The following CHST6 variants were observed in gnomAD, a reference collection of about 807,000 sequenced individuals.
CHST6 encodes the protein N-acetylglucosamine 6-O-sulfotransferase 5.
For synonymous variants in CHST6, 309 were observed against 276.4 expected, an observed-to-expected ratio of 1.12 and a Z score of -1.17; for missense variants, 698 against 586.2, an observed-to-expected ratio of 1.19 and a Z score of -1.97.
rs760075774 is a variant in CHST6 at position 75,479,549 on chromosome 16, C to T, written c.280G>A (p.Asp94Asn). 20 of 1,612,866 alleles carry T rather than the reference C, an allele frequency of 1.2e-5. No individual in the cohort carries two copies. Among genetic ancestry groups the T allele is most frequent in the African/African-American group, 6.7e-5 (5 of 74,932 alleles). ...CACAGGAAGACGGAGCGCACCAGGT[C>T]GCGCACAGCCATGTGCAGCGTTGCG... ...SAATLHMAVR[D>N]LVRSVFLCDM... The change falls in exon 3 of 3, where the codon GAC becomes AAC. Residue 94 changes from aspartate to asparagine, a missense_variant. Physicochemically the swap from Asp to Asn is conservative, Grantham distance 23. Transcript: ENST00000332272.
Position 75,493,937 on chromosome 16 carries a change from T to C in CHST6, c.-92+1003A>G, listed in dbSNP as rs141527101. ...TCAGCTCACTGCAACCTCCGCCTCC[T>C]GGGTTCAAGTGATTCTTCTGCCTCA... On this transcript the variant is annotated intron_variant, in intron 1 of 2. Coordinates refer to ENST00000332272, the MANE Select transcript of CHST6 (RefSeq NM_021615.5). Among the ~76,000 whole-genome samples the C allele has an allele frequency of 4.1e-3, 629 of 152,296 alleles. 2 individuals carry two copies. Among genetic ancestry groups the C allele is most frequent in the African/African-American group, 0.014 (564 of 41,562 alleles).
chr16:75,487,745 G>C (rs1227032892), intron 1 of CHST6, among the ~76,000 whole-genome samples: 1 of 149,400 alleles, frequency 6.7e-6, no homozygotes, highest in Non-Finnish European at 1.5e-5. Context: ...CTTGCAGTGA[G>C]CTGAGATCGT....
At chr16:75,484,884 G>A (rs1302314310) in intron 1 of CHST6, among the ~76,000 whole-genome samples, 2 of 152,070 alleles carry the variant, frequency 1.3e-5, no homozygotes, top group South Asian at 2.1e-4. Flanking sequence ...AGGTAAAGAT[G>A]AGGGCATTGC....
chr16:75,484,296 C>T (rs2080172349), intron 1 of CHST6, among the ~76,000 whole-genome samples: 1 of 151,894 alleles, frequency 6.6e-6, no homozygotes, highest in South Asian at 2.1e-4. Context: ...AAGATCACAC[C>T]ACTGCACTCC....
In CHST6 at chr16:75,479,461, CA is replaced by C. The variant is rs1323870038; in HGVS notation, c.367del (p.Trp123GlyfsTer3). 6.2e-7 allele frequency: 1 copy of C among 1,612,924 alleles called. No homozygotes were observed. The highest frequency in any genetic ancestry group is 2.2e-5 in the East Asian group (1 of 44,852). Reference protein sequence around the residue: ...WRRNLSDLFQWAVSRALCSPP... With the variant: ...WRRNLSDLFQXAVSRALCSPP... ...CGAGCACAGTGCACGGCTCACGGCC[CA>C]CTGGAAGAGGTCGGACAGGTTGCGG... On this transcript the variant is annotated frameshift_variant, in exon 3 of 3. Transcript: ENST00000332272. LOFTEE classifies it low-confidence loss of function (END_TRUNC).
intron 2 of CHST6, among the ~76,000 whole-genome samples, chr16:75,480,941 A>AG (rs2080135027): frequency 2.4e-5 from 3 of 127,014 alleles, no homozygotes; most frequent in Non-Finnish European, 5.2e-5. Context: ...AAAAAAAAAA[A>AG]AAAAAGAAAA....
At position 75,481,874 on chromosome 16, in the gene CHST6, T is replaced by C. The variant is rs1281322891; in HGVS notation, c.-74A>G. The C allele has an allele frequency of 1.1e-5, 6 of 541,798 alleles. No homozygotes were observed. The highest frequency in any genetic ancestry group is 6.2e-4 in the Middle Eastern group (1 of 1,616). 33.6% of individuals were successfully genotyped at this position (541,798 alleles called of 1,614,324 possible). On this transcript the variant is annotated 5_prime_UTR_variant, in exon 2 of 3. Coordinates refer to ENST00000332272, the MANE Select transcript of CHST6 (RefSeq NM_021615.5). ...CTGATCACAAATCCATGGGAGATGA[T>C]TAGAGGTTCCTCAGCACCTGGTAAA... is the stretch of plus-strand genomic sequence containing the variant.
Position 75,491,184 on chromosome 16 carries a change from A to T in CHST6, c.-92+3756T>A, listed in dbSNP as rs867939024. Among the ~76,000 whole-genome samples, 656 of 76,642 alleles carry T rather than the reference A, an allele frequency of 8.6e-3. 6 individuals carry two copies. The highest frequency in any genetic ancestry group is 0.03 in the African/African-American group (571 of 18,908). 50.3% of individuals were successfully genotyped at this position (76,642 alleles called of 152,430 possible). ...CCGTCTTAAAAAAAAAAAAAAAAAA[A>T]AAAAAAATATATATATATATATATA... On this transcript the variant is annotated intron_variant, in intron 1 of 2. Coordinates refer to ENST00000332272, the MANE Select transcript of CHST6 (RefSeq NM_021615.5).
At chr16:75,490,601 A>C (rs779528041) in intron 1 of CHST6, 3 of 152,210 alleles carry the variant, frequency 2.0e-5, no homozygotes, top group Admixed American at 2.0e-4. Context: ...TATAATAAAT[A>C]ATATATAATT....
chr16:75,488,151 G>T (rs777816989), intron 1 of CHST6, among the ~76,000 whole-genome samples: 49 of 152,274 alleles, frequency 3.2e-4, no homozygotes, highest in Middle Eastern at 3.4e-3. Context: ...GAGTTGGCTG[G>T]AGGTCATCCC....
rs748721263 is a variant in CHST6 at position 75,479,122 on chromosome 16, T to A, written c.707A>T (p.Asp236Val). Residue 236 changes from aspartate to valine, a missense_variant, in exon 3 of 3, where the codon GAC (aspartate) becomes GTC (valine). Coordinates refer to ENST00000332272, the MANE Select transcript of CHST6 (RefSeq NM_021615.5). ...LGTNGTWVEA[D>V]PGLRVVREVC... The stretch of plus-strand genomic sequence containing the variant: ...CTCGCGCACCACGCGCAGGCCGGGG[T>A]CGGCCTCCACCCACGTGCCGTTGGT... 3.4e-5 allele frequency: 55 copies of A among 1,604,986 alleles called. No individual in the cohort carries two copies. Among genetic ancestry groups the A allele is most frequent in the Non-Finnish European group, 4.1e-5 (48 of 1,178,664 alleles).
chr16:75,481,335 G>A (rs1015727735), intron 2 of CHST6, among the ~76,000 whole-genome samples: 6 of 152,110 alleles, frequency 3.9e-5, no homozygotes, highest in Admixed American at 3.9e-4. Flanking sequence ...GCTCATGCCT[G>A]TAATCCTAGC....
At chr16:75,492,544 T>G (rs950986484) in intron 1 of CHST6, among the ~76,000 whole-genome samples, 1 of 152,224 alleles carries the variant, frequency 6.6e-6, no homozygotes, top group Non-Finnish European at 1.5e-5. Flanking sequence ...AGGAAGAGAC[T>G]ATTTTATAGG....
At chr16:75,488,319 C>T (rs1194939820) in intron 1 of CHST6, among the ~76,000 whole-genome samples, 1 of 151,776 alleles carries the variant, frequency 6.6e-6, no homozygotes. Flanking sequence ...CAAAAATTAG[C>T]CACCATGGTG....
Position 75,474,309 on chromosome 16 carries a change from C to T in CHST6, c.*4332G>A, listed in dbSNP as rs2080044274. The T allele has an allele frequency of 3.0e-6, 1 of 332,846 alleles. No individual in the cohort carries two copies. The allele number at this position is 332,846 out of a possible 1,614,324, so 20.6% of individuals were successfully genotyped here. ...TTTATTTAGAGATAGGTGTCTTGCT[C>T]TGTCACTCAGGCTGGAGTGCACTGG... On this transcript the variant is annotated 3_prime_UTR_variant, in exon 3 of 3. Coordinates refer to ENST00000332272, the MANE Select transcript of CHST6 (RefSeq NM_021615.5).
At chr16:75,494,287 C>A (rs955651592) in intron 1 of CHST6, among the ~76,000 whole-genome samples, 1 of 152,172 alleles carries the variant, frequency 6.6e-6, no homozygotes, top group African/African-American at 2.4e-5. Context: ...AAAGTTCCGG[C>A]CTCTCAGGCT....
chr16:75,483,971 CAG>C (rs1462507035), intron 1 of CHST6, among the ~76,000 whole-genome samples: 3 of 152,086 alleles, frequency 2.0e-5, no homozygotes, highest in African/African-American at 7.2e-5. Flanking sequence ...TTGCAGTGAG[CAG>C]AGACTGTGTG....
At chr16:75,485,681 A>C (rs116310032) in intron 1 of CHST6, among the ~76,000 whole-genome samples, 1,731 of 152,318 alleles carry the variant, frequency 0.011, 32 homozygotes, top group African/African-American at 0.04. Context: ...TGACAGATAA[A>C]GGTTGGAAAA....
intron 1 of CHST6, among the ~76,000 whole-genome samples, chr16:75,491,925 C>G (rs1007016824): frequency 6.6e-5 from 10 of 152,190 alleles, no homozygotes; most frequent in African/African-American, 2.2e-4. Context: ...AGCTCCCATG[C>G]ACACTCTCAA....
Sources: allele counts gnomAD v4.1 joint callset (sites outside exome capture counted in the v4.1 genomes callset), GRCh38; gene constraint gnomAD v4.1.1; transcripts MANE v1.5; gene names NCBI Gene and HGNC (gene_info 2026-07-23, HGNC 2026-07-21).